Variants in ADAMTS2 observed in about 807,000 individuals in gnomAD.
ADAMTS2 encodes the protein ADAM metallopeptidase with thrombospondin type 1 motif 2.
Under a neutral mutation model 123.0 loss-of-function variants are expected in ADAMTS2, and 50 were observed. That is an observed-to-expected ratio of 0.41 (90% CI 0.32 to 0.51). ADAMTS2 has a LOEUF of 0.51. ADAMTS2 is among the 20% of genes least tolerant of loss of function. ADAMTS2 has a pLI of 0.35. For missense variants in ADAMTS2, 1,494 were observed against 1,705.2 expected (o/e 0.88, Z 2.18); for synonymous variants, 678 against 695.4 (o/e 0.98, Z 0.39).
rs532758623 is a variant in ADAMTS2 at position 179,177,421 on chromosome 5, G to A, written c.975+3651C>T. On this transcript the variant is annotated intron_variant, in intron 5 of 21. Coordinates refer to ENST00000251582, the MANE Select transcript of ADAMTS2 (RefSeq NM_014244.5). ...TGGGTATAAGGGTCCCATTGACTACGAAAGACACATTGGGTAGATTTCAGA... is the reference window on the plus strand; with the variant it reads ...TGGGTATAAGGGTCCCATTGACTACAAAAGACACATTGGGTAGATTTCAGA... 4.6e-5 allele frequency among the ~76,000 whole-genome samples: 7 copies of A among 152,304 alleles called. No individual in the cohort carries two copies. The East Asian group carries it at 9.6e-4, about 21-fold the overall frequency.
rs756830563 is a variant in ADAMTS2, at chr5:179,234,029, T to C, written c.689-26314A>G. Among the ~76,000 whole-genome samples, 9 of 152,162 alleles carry C rather than the reference T, an allele frequency of 5.9e-5. No homozygotes were observed. Among genetic ancestry groups the C allele is most frequent in the Non-Finnish European group, 1.0e-4 (7 of 68,024 alleles). The stretch of plus-strand genomic sequence containing the variant: ...CTGGTCACAATGGTTAAGACCCTCC[T>C]GTGTCCAGGACCCCGACTGCCAGGC... On this transcript the variant is annotated intron_variant, in intron 3 of 21. Transcript: ENST00000251582. This position sits in a 1 kb window ranked among gnomAD's most constrained non-coding sequence, Gnocchi z 4.7.
At chr5:179,209,130 A>T (rs916160768) in intron 3 of ADAMTS2, among the ~76,000 whole-genome samples, 3 of 152,206 alleles carry the variant, frequency 2.0e-5, no homozygotes, top group Non-Finnish European at 4.4e-5. Context: ...ACAGTGAGGC[A>T]GCCTGGTACC....
intron 3 of ADAMTS2, among the ~76,000 whole-genome samples, chr5:179,232,280 A>G (rs1561609355): frequency 6.6e-6 from 1 of 152,194 alleles, no homozygotes; most frequent in Non-Finnish European, 1.5e-5. Context: ...GGCGCCATGG[A>G]AGCCACACGG....
rs927851842 is a variant in ADAMTS2 at position 179,307,642 on chromosome 5, G to C, written c.535-34578C>G. ...CGGCTTCCCACCACATGACTGCCCC[G>C]GTCCCCGCTGATTTCTCCTTCACTC... On this transcript the variant is annotated intron_variant, in intron 2 of 21. Transcript: ENST00000251582. This position sits in a 1 kb window ranked among gnomAD's most constrained non-coding sequence, Gnocchi z 5.6. 6.6e-6 allele frequency among the ~76,000 whole-genome samples: 1 copy of C among 152,092 alleles called. No homozygotes were observed.
rs111267591 is a variant in ADAMTS2 at position 179,259,432 on chromosome 5, G to A, written c.688+13479C>T. Among the ~76,000 whole-genome samples, 288 of 152,350 alleles carry A rather than the reference G, an allele frequency of 1.9e-3. 2 individuals carry two copies. Among genetic ancestry groups the A allele is most frequent in the African/African-American group, 6.8e-3 (281 of 41,576 alleles). The stretch of plus-strand genomic sequence containing the variant: ...AGTGCCCGGTCCTGCTGTGCGTGCC[G>A]GGTAAAGATCTGTTGGATGAATCAA... On this transcript the variant is annotated intron_variant, in intron 3 of 21. Coordinates refer to ENST00000251582, the MANE Select transcript of ADAMTS2 (RefSeq NM_014244.5).
At chr5:179,152,326 C>CG (rs1763377376) in intron 9 of ADAMTS2, 71 bp from the exon 10 acceptor site, 1 of 1,453,288 alleles carries the variant, frequency 6.9e-7, no homozygotes, top group Admixed American at 1.8e-5. Flanking sequence ...CACCCACCCC[C>CG]GGGTTCTGGA....
At chr5:179,179,317 C>A (rs1763997381) in intron 5 of ADAMTS2, among the ~76,000 whole-genome samples, 1 of 151,532 alleles carries the variant, frequency 6.6e-6, no homozygotes, top group African/African-American at 2.4e-5. Context: ...AATTCTGCTG[C>A]CCCCACCCCT....
At chr5:179,134,475 C>A (rs993044019) in intron 13 of ADAMTS2, among the ~76,000 whole-genome samples, 18 of 152,216 alleles carry the variant, frequency 1.2e-4, no homozygotes, top group Non-Finnish European at 2.1e-4. Flanking sequence ...ATGATTCAAA[C>A]TGGCCATTCC....
chr5:179,283,942 GATGATT>G (rs1267545609), intron 2 of ADAMTS2, among the ~76,000 whole-genome samples: 3,283 of 138,258 alleles, frequency 0.024, 65 homozygotes, highest in Middle Eastern at 0.049. Flanking sequence ...TAAATGGTCA[GATGATT>G]ATTATTATTA....
chr5:179,186,819 G>A (rs1334766555), intron 4 of ADAMTS2, among the ~76,000 whole-genome samples: 2 of 124,042 alleles, frequency 1.6e-5, no homozygotes, highest in African/African-American at 3.2e-5. Flanking sequence ...GCTCCCCAAC[G>A]GTCCCCCTCG....
chr5:179,344,762 C>CG (rs1232349985), intron 1 of ADAMTS2, among the ~76,000 whole-genome samples: 1 of 152,220 alleles, frequency 6.6e-6, no homozygotes, highest in African/African-American at 2.4e-5. Flanking sequence ...CTCCGATCTC[C>CG]GGGGATTCCC....
chr5:179,277,366 C>A (rs1424733707), intron 2 of ADAMTS2, among the ~76,000 whole-genome samples: 3 of 23,534 alleles, frequency 1.3e-4, no homozygotes, highest in Admixed American at 4.0e-4. Flanking sequence ...AGGCTGACAC[C>A]CCCCGAGACC....
intron 4 of ADAMTS2, 42 bp downstream of exon 4, chr5:179,207,471 A>ACCCAACCC: frequency 2.9e-6 from 3 of 1,026,474 alleles, no homozygotes; most frequent in Non-Finnish European, 3.0e-6. Context: ...CCCCTGGTTG[A>ACCCAACCC]CCCTCCCCGC....
chr5:179,161,004 C>A (rs1157039365), intron 5 of ADAMTS2, among the ~76,000 whole-genome samples: 2 of 152,202 alleles, frequency 1.3e-5, no homozygotes, highest in East Asian at 1.9e-4. Context: ...GACCCGAATC[C>A]TCCGCCAACC....
chr5:179,178,858 C>G (rs908188376), intron 5 of ADAMTS2, among the ~76,000 whole-genome samples: 8 of 152,214 alleles, frequency 5.3e-5, no homozygotes, highest in African/African-American at 1.9e-4. Flanking sequence ...TGGAAAACAT[C>G]TGTGAATTTG....
At chr5:179,289,207 G>A (rs921748881) in intron 2 of ADAMTS2, among the ~76,000 whole-genome samples, 1 of 152,308 alleles carries the variant, frequency 6.6e-6, no homozygotes, top group South Asian at 2.1e-4. Flanking sequence ...ACAGCGGAAC[G>A]ATGGAGGAGG....
At chr5:179,201,305 C>A (rs1409581225) in intron 4 of ADAMTS2, among the ~76,000 whole-genome samples, 2 of 152,150 alleles carry the variant, frequency 1.3e-5, no homozygotes, top group African/African-American at 4.8e-5. Flanking sequence ...CAGTTAGTGG[C>A]ATGTCTGACC....
At chr5:179,265,787 C>T (rs1000176698) in intron 3 of ADAMTS2, among the ~76,000 whole-genome samples, 2 of 152,250 alleles carry the variant, frequency 1.3e-5, no homozygotes, top group African/African-American at 2.4e-5. Flanking sequence ...AGGAGCGCCG[C>T]GGCGTCTGCC....
rs1172417053 is a variant in ADAMTS2, at chr5:179,126,250, A to G, written c.2618-120T>C. ...TTTCCTGCTCACCCTTGTGATGACAATAAGGGTGGGCAGGGCACCGAGCCT... is the reference window on the plus strand; with the variant it reads ...TTTCCTGCTCACCCTTGTGATGACAGTAAGGGTGGGCAGGGCACCGAGCCT... On this transcript the variant is annotated intron_variant, in intron 17 of 21. Coordinates refer to ENST00000251582, the MANE Select transcript of ADAMTS2 (RefSeq NM_014244.5). The G allele has an allele frequency of 7.0e-6, 10 of 1,430,258 alleles. 1 individual carries two copies. The East Asian group carries it at 1.8e-4, about 26-fold the overall frequency. The allele number at this position is 1,430,258 out of a possible 1,614,324, so 88.6% of individuals were successfully genotyped here.
Sources: gnomAD v4.1 joint callset for allele counts (sites outside exome capture counted in the v4.1 genomes callset) on GRCh38, gnomAD v4.1.1 for gene constraint, Gnocchi (gnomAD v3.1) non-coding constraint, MANE v1.5 for transcripts, NCBI Gene and HGNC (gene_info 2026-07-23, HGNC 2026-07-21) for gene names.